Variants in PCDHA7 observed in about 807,000 individuals in gnomAD.
The protein encoded by PCDHA7 is protocadherin alpha 7, also known as protocadherin alpha-7.
Under a neutral mutation model 57.2 loss-of-function variants are expected in PCDHA7, and 37 were observed. The observed-to-expected ratio is 0.65, with a 90% CI of 0.50 to 0.85. The LOEUF is 0.85. Ranked by LOEUF, PCDHA7 falls within the 40% of genes least tolerant of loss-of-function variation. PCDHA7 has a pLI of 0.00. For missense variants in PCDHA7, 1,188 were observed against 1,241.8 expected, an observed-to-expected ratio of 0.96 and a Z score of 0.65; for synonymous variants, 553 against 558.8, an observed-to-expected ratio of 0.99 and a Z score of 0.15.
Position 140,834,869 on chromosome 5 carries a change from C to T in PCDHA7, c.486C>T (p.Ile162=), listed in dbSNP as rs782789738. The T allele has an allele frequency of 6.2e-7, 1 of 1,609,230 alleles. No individual in the cohort carries two copies. The highest frequency in any genetic ancestry group is 8.5e-7 in the Non-Finnish European group (1 of 1,178,338). ...FPLEGASDAD[I]GENALLTYRL... ...TAGAGGGCGCGTCCGATGCAGATAT[C>T]GGGGAGAACGCCCTGCTCACTTACA... The change falls in exon 1 of 4, where the codon ATC becomes ATT. Residue 162 remains isoleucine, a synonymous_variant. Coordinates refer to ENST00000525929, the MANE Select transcript of PCDHA7 (RefSeq NM_018910.3).
chr5:140,871,692 C>T, intron 1 of PCDHA7: 1 of 997,192 alleles, frequency 1.0e-6, no homozygotes, highest in Non-Finnish European at 1.4e-6. Flanking sequence ...AATCTGGCTT[C>T]TTTAACCAAT....
intron 1 of PCDHA7, chr5:140,927,156 G>A (rs1261418178): frequency 6.2e-7 from 1 of 1,614,016 alleles, no homozygotes; most frequent in African/African-American, 1.3e-5. Flanking sequence ...AGCTGTGCAG[G>A]GCCAAAGCTG....
At chr5:140,967,252 G>A (rs199714982) in intron 1 of PCDHA7, 1 of 1,613,504 alleles carries the variant, frequency 6.2e-7, no homozygotes, top group Non-Finnish European at 8.5e-7. Flanking sequence ...AATCGGTGGC[G>A]CCTGGAGCGC....
intron 1 of PCDHA7, among the ~76,000 whole-genome samples, chr5:140,906,808 C>A (rs902394073): frequency 6.6e-6 from 1 of 152,214 alleles, no homozygotes; most frequent in Non-Finnish European, 1.5e-5. Flanking sequence ...CTCTTCCTTA[C>A]CTCCACTGTG....
At chr5:140,877,909 C>G in intron 1 of PCDHA7, 4 of 1,432,580 alleles carry the variant, frequency 2.8e-6, no homozygotes, top group Non-Finnish European at 3.7e-6. Context: ...TAACTACATT[C>G]TCTCATTTTT....
rs1439259875 is a variant in PCDHA7 at position 141,011,882 on chromosome 5, GATTA to G, written c.*1950_*1953del. On this transcript the variant is annotated 3_prime_UTR_variant, in exon 4 of 4. Coordinates refer to ENST00000525929, the MANE Select transcript of PCDHA7 (RefSeq NM_018910.3). ...GTTATAATGTACAATTTAGAAGTTTGATTAATTATATTATCTATTTAGGCATTAA... is the reference window on the plus strand; with the variant it reads ...GTTATAATGTACAATTTAGAAGTTTGATTATATTATCTATTTAGGCATTAA... 2.0e-5 allele frequency: 3 copies of G among 153,360 alleles called. No homozygotes were observed. Among genetic ancestry groups the G allele is most frequent in the Non-Finnish European group, 4.4e-5 (3 of 68,010 alleles). 9.5% of individuals were successfully genotyped at this position (153,360 alleles called of 1,614,324 possible).
At chr5:140,859,674 A>G (rs1480845911) in intron 1 of PCDHA7, 1 of 154,702 alleles carries the variant, frequency 6.5e-6, no homozygotes. Flanking sequence ...ATAGCTTCAA[A>G]TAAAATTAAA....
chr5:140,872,909 G>A (rs1214412416), intron 1 of PCDHA7, among the ~76,000 whole-genome samples: 7 of 152,076 alleles, frequency 4.6e-5, no homozygotes, highest in African/African-American at 1.7e-4. Flanking sequence ...GCTCTATCTT[G>A]TAATGCCTTA....
intron 1 of PCDHA7, among the ~76,000 whole-genome samples, chr5:140,887,801 G>C (rs1377550372): frequency 1.3e-5 from 2 of 151,856 alleles, no homozygotes; most frequent in Admixed American, 1.3e-4. Context: ...CTTTATTTTT[G>C]TCCATTTCTT....
intron 1 of PCDHA7, among the ~76,000 whole-genome samples, chr5:140,897,765 C>T (rs1305140331): frequency 6.6e-6 from 1 of 152,216 alleles, no homozygotes; most frequent in Admixed American, 6.5e-5. Flanking sequence ...AATCGCCACA[C>T]TGACTTCCAC....
Position 140,842,464 on chromosome 5 carries a change from C to T in PCDHA7, c.2355+5726C>T, listed in dbSNP as rs2150336696. On this transcript the variant is annotated intron_variant, in intron 1 of 3. Coordinates refer to ENST00000525929, the MANE Select transcript of PCDHA7 (RefSeq NM_018910.3). ...GCGTGAACGACCTCGATTCAGGTGC[C>T]AACGGGCAGGTGACCTGCTCCCTGA... 1.1e-4 allele frequency: 180 copies of T among 1,613,798 alleles called. 1 individual carries two copies. The highest frequency in any genetic ancestry group is 1.5e-4 in the Non-Finnish European group (172 of 1,179,758).
intron 1 of PCDHA7, chr5:140,862,887 G>C (rs781965401): frequency 2.7e-5 from 15 of 562,992 alleles, no homozygotes; most frequent in South Asian, 1.8e-4. Flanking sequence ...GTGCTGGAAC[G>C]ACAACTTTGT....
rs75087916 is a variant in PCDHA7, at chr5:140,963,063, T to G, written c.2356-15886T>G. Among the ~76,000 whole-genome samples, 783 of 152,260 alleles carry G rather than the reference T, an allele frequency of 5.1e-3. 9 individuals carry two copies. Among genetic ancestry groups the G allele is most frequent in the African/African-American group, 0.018 (742 of 41,556 alleles). ...AGAGTCTATAAGGGTTTCTACATTGTGAAGGAGACAGAAATATAAGACATG... is the reference window on the plus strand; with the variant it reads ...AGAGTCTATAAGGGTTTCTACATTGGGAAGGAGACAGAAATATAAGACATG... On this transcript the variant is annotated intron_variant, in intron 1 of 3. Transcript: ENST00000525929.
At chr5:140,971,603 C>T (rs1353988698) in intron 1 of PCDHA7, among the ~76,000 whole-genome samples, 1 of 152,072 alleles carries the variant, frequency 6.6e-6, no homozygotes, top group Non-Finnish European at 1.5e-5. Context: ...CTACAGATGG[C>T]AGGAGAGTCC....
Position 140,908,264 on chromosome 5 carries a change from C to T in PCDHA7, c.2356-70685C>T, listed in dbSNP as rs184452768. Among the ~76,000 whole-genome samples the T allele has an allele frequency of 2.1e-4, 32 of 152,244 alleles. 1 individual carries two copies. Among genetic ancestry groups the T allele is most frequent in the African/African-American group, 6.3e-4 (26 of 41,538 alleles). Reference sequence around the variant, plus strand: ...CCTCATCAACTGATCATAGGGAACTCCCCATGAGGCCATTGTTGCAAGCTG... The same window carrying T: ...CCTCATCAACTGATCATAGGGAACTTCCCATGAGGCCATTGTTGCAAGCTG... On this transcript the variant is annotated intron_variant, in intron 1 of 3. Coordinates refer to ENST00000525929, the MANE Select transcript of PCDHA7 (RefSeq NM_018910.3).
chr5:140,851,986 C>T, intron 1 of PCDHA7: 1 of 976,230 alleles, frequency 1.0e-6, no homozygotes, highest in Non-Finnish European at 1.2e-6. Context: ...TTAGTGCAAG[C>T]TATTTGTTTG....
intron 1 of PCDHA7, chr5:140,868,381 A>C (rs1554161945): frequency 2.0e-5 from 3 of 152,316 alleles, no homozygotes; most frequent in Non-Finnish European, 4.4e-5. Flanking sequence ...GTAAAGAATG[A>C]GAACTATAGA....
intron 1 of PCDHA7, among the ~76,000 whole-genome samples, chr5:140,935,394 G>A (rs959098226): frequency 2.0e-5 from 3 of 152,088 alleles, no homozygotes; most frequent in East Asian, 1.9e-4. Flanking sequence ...GTTATCCCAC[G>A]GGACTCAAAC....
chr5:140,967,740 A>G, intron 1 of PCDHA7: 6 of 1,614,170 alleles, frequency 3.7e-6, no homozygotes, highest in Non-Finnish European at 5.1e-6. Flanking sequence ...GGGCTGGATT[A>G]TGAGGAAGCC....
Sources: gnomAD v4.1 joint callset for allele counts (sites outside exome capture counted in the v4.1 genomes callset) on GRCh38, gnomAD v4.1.1 for gene constraint, MANE v1.5 for transcripts, NCBI Gene and HGNC (gene_info 2026-07-23, HGNC 2026-07-21) for gene names.